DTHD1: variants seen among roughly 807,000 people sequenced by gnomAD.
The protein encoded by DTHD1 is death domain-containing protein 1.
Under a neutral mutation model 74.8 loss-of-function variants are expected in DTHD1, and 59 were observed. That is an observed-to-expected ratio of 0.79 (90% CI 0.64 to 0.98). The LOEUF is 0.98. Among genes scored for constraint, DTHD1 ranks in the 50% least tolerant of loss-of-function variants. The pLI is 0.00. For missense variants in DTHD1, 1,051 were observed against 1,065.4 expected (o/e 0.99, Z 0.19); for synonymous variants, 365 against 371.1 (o/e 0.98, Z 0.19).
intron 7 of DTHD1, chr4:36,315,877 T>G (rs927836308): frequency 6.4e-6 from 1 of 156,674 alleles, no homozygotes; most frequent in African/African-American, 2.4e-5. Context: ...TTAATCGTAT[T>G]TTTAAAATAA....
intron 2 of DTHD1, among the ~76,000 whole-genome samples, chr4:36,286,476 A>G (rs1755718338): frequency 6.6e-6 from 1 of 152,176 alleles, no homozygotes; most frequent in Admixed American, 6.5e-5. Flanking sequence ...ACAAAACCTC[A>G]CTCAGAATGT....
At chr4:36,305,324 C>A (rs1176239767) in intron 5 of DTHD1, among the ~76,000 whole-genome samples, 2 of 152,086 alleles carry the variant, frequency 1.3e-5, no homozygotes, top group African/African-American at 4.8e-5. Context: ...TTCCATGTGG[C>A]TGGGGAGGCC....
At position 36,343,576 on chromosome 4, in the gene DTHD1, A is replaced by C; in HGVS notation, c.2473A>C (p.Thr825Pro). 6.4e-7 allele frequency: 1 copy of C among 1,551,118 alleles called. No individual in the cohort carries two copies. The highest frequency in any genetic ancestry group is 1.2e-5 in the South Asian group (1 of 84,012). The change falls in exon 10 of 10, where the codon ACT becomes CCT. Residue 825 changes from threonine to proline, a missense_variant. Transcript: ENST00000639862. ...SEENAESLSS[T>P]LPLRRSTIQL... ...AGAAAATGCTGAGTCTCTTTCCTCA[A>C]CTCTCCCTCTGCGCCGTAGCACCAT...
chr4:36,343,894 C>A lies in DTHD1; in HGVS notation c.*70C>A. The A allele has an allele frequency of 7.3e-7, 1 of 1,373,862 alleles. No individual in the cohort carries two copies. The highest frequency in any genetic ancestry group is 9.7e-7 in the Non-Finnish European group (1 of 1,034,978). The allele number at this position is 1,373,862 out of a possible 1,614,324, so 85.1% of individuals were successfully genotyped here. ...GGGTTTTTGTTTCTGTCAACATTTT[C>A]CTGGAAGTTTCCGAATGATATTATT... On this transcript the variant is annotated 3_prime_UTR_variant, in exon 10 of 10. Transcript: ENST00000639862.
chr4:36,291,255 C>T (rs997260390), intron 3 of DTHD1, among the ~76,000 whole-genome samples: 5 of 152,110 alleles, frequency 3.3e-5, no homozygotes, highest in African/African-American at 4.8e-5. Context: ...GTTTGAAATA[C>T]GGTTTTTACA....
chr4:36,293,619 C>T lies in DTHD1; in HGVS notation c.1312C>T (p.Leu438Phe), dbSNP rs1281549097. 3.9e-6 allele frequency: 6 copies of T among 1,549,314 alleles called. No individual in the cohort carries two copies. The highest frequency in any genetic ancestry group is 2.0e-5 in the Admixed American group (1 of 50,930). Reference protein sequence around the residue: ...KESFTVTKKGLALKSSMDSRI... With the variant: ...KESFTVTKKGFALKSSMDSRI... ...GTCGTTCACAGTAACAAAGAAAGGC[C>T]TCGCTCTTAAGTCAAGCATGGATTC... Residue 438 changes from leucine to phenylalanine, a missense_variant, in exon 4 of 10, where the codon CTC becomes TTC. Coordinates refer to ENST00000639862, the MANE Select transcript of DTHD1 (RefSeq NM_001170700.3).
chr4:36,289,601 T>C (rs565709007), intron 2 of DTHD1, among the ~76,000 whole-genome samples: 6 of 152,236 alleles, frequency 3.9e-5, no homozygotes, highest in South Asian at 4.1e-4. Context: ...GAGAATAGTG[T>C]GTAACCTAAA....
Position 36,284,350 on chromosome 4 carries a change from G to A in DTHD1, c.646G>A (p.Ala216Thr). Reference protein sequence around the residue: ...ESQNKMFPDNAENEDDKQIEH... With the variant: ...ESQNKMFPDNTENEDDKQIEH... The stretch of plus-strand genomic sequence containing the variant: ...ACAGAATAAAATGTTCCCAGATAAT[G>A]CAGAAAATGAAGATGATAAACAAAT... The change falls in exon 2 of 10, where the codon GCA (alanine) becomes ACA (threonine). Residue 216 changes from alanine (A) to threonine (T), a missense_variant. By Grantham distance (58) the Ala-to-Thr change is moderately conservative. Coordinates refer to ENST00000639862, the MANE Select transcript of DTHD1 (RefSeq NM_001170700.3). 2 of 1,537,168 alleles carry A rather than the reference G, an allele frequency of 1.3e-6. No homozygotes were observed. Among genetic ancestry groups the A allele is most frequent in the Non-Finnish European group, 1.7e-6 (2 of 1,146,846 alleles).
intron 8 of DTHD1, among the ~76,000 whole-genome samples, chr4:36,323,908 G>C (rs1313957468): frequency 6.6e-6 from 1 of 152,120 alleles, no homozygotes; most frequent in Non-Finnish European, 1.5e-5. Context: ...GGAGAAGGGA[G>C]AACTCTGGCA....
In DTHD1 at chr4:36,284,446, A is replaced by G; in HGVS notation, c.742A>G (p.Thr248Ala). Residue 248 changes from threonine to alanine, a missense_variant, in exon 2 of 10, where the codon ACA becomes GCA. Thr to Ala is a moderately conservative substitution (Grantham distance 58). Transcript: ENST00000639862. Reference sequence around the variant, plus strand: ...TCATGGCATAATTCAGACAACAGAGACAGAAATTCAAGAGACTTCAGAAAG... The same window carrying G: ...TCATGGCATAATTCAGACAACAGAGGCAGAAATTCAAGAGACTTCAGAAAG... ...ETHGIIQTTE[T>A]EIQETSESPR... 1 of 1,537,182 alleles carries G rather than the reference A, an allele frequency of 6.5e-7. No individual in the cohort carries two copies.
chr4:36,285,124 T>C (rs1254413042), intron 2 of DTHD1, among the ~76,000 whole-genome samples: 1 of 152,216 alleles, frequency 6.6e-6, no homozygotes, highest in East Asian at 1.9e-4. Flanking sequence ...ATTATTAATA[T>C]TGTTTATTTC....
At position 36,301,410 on chromosome 4, in the gene DTHD1, A is replaced by G. The variant is rs533404228; in HGVS notation, c.1644-4781A>G. 2.0e-5 allele frequency among the ~76,000 whole-genome samples: 3 copies of G among 152,346 alleles called. No individual in the cohort carries two copies. In the South Asian group the frequency reaches 6.2e-4, roughly 32 times the overall value. ...TTGGGAGTAGCTCATATCTTAGGAT[A>G]TAAAACTCCAGAGTTGTCGACAGCC... On this transcript the variant is annotated intron_variant, in intron 5 of 9. Coordinates refer to ENST00000639862, the MANE Select transcript of DTHD1 (RefSeq NM_001170700.3).
chr4:36,288,536 T>C (rs1003902336), intron 2 of DTHD1, among the ~76,000 whole-genome samples: 1 of 152,230 alleles, frequency 6.6e-6, no homozygotes, highest in African/African-American at 2.4e-5. Context: ...GCTTGCCAAT[T>C]ATCCCAGCAC....
chr4:36,281,688 C>T lies in DTHD1; in HGVS notation c.-71C>T, dbSNP rs1237234832. 2.4e-6 allele frequency: 3 copies of T among 1,234,324 alleles called. No homozygotes were observed. The highest frequency in any genetic ancestry group is 3.0e-6 in the Non-Finnish European group (3 of 988,800). The allele number at this position is 1,234,324 out of a possible 1,614,324, so 76.5% of individuals were successfully genotyped here. On this transcript the variant is annotated 5_prime_UTR_variant, in exon 1 of 10. Transcript: ENST00000639862. The stretch of plus-strand genomic sequence containing the variant: ...CCTAGAGTTTAGGAGAAATAACAAT[C>T]ACAAAGTTTGAATTTGCAAAACCTT...
chr4:36,294,539 A>G (rs1756272313), intron 4 of DTHD1, among the ~76,000 whole-genome samples: 2 of 152,018 alleles, frequency 1.3e-5, no homozygotes, highest in Admixed American at 1.3e-4. Context: ...CCTGCAATTA[A>G]GTCTGTTTCT....
intron 8 of DTHD1, among the ~76,000 whole-genome samples, chr4:36,331,740 T>G (rs1758685365): frequency 1.3e-5 from 2 of 152,226 alleles, no homozygotes; most frequent in Admixed American, 6.5e-5. Flanking sequence ...TGTCATTTTC[T>G]GTCATTGACT....
chr4:36,312,882 A>C (rs1423135240), intron 7 of DTHD1, among the ~76,000 whole-genome samples: 1 of 152,214 alleles, frequency 6.6e-6, no homozygotes, highest in African/African-American at 2.4e-5. Context: ...GTTAGATTAT[A>C]ACTGCGTTGA....
At position 36,343,584 on chromosome 4, in the gene DTHD1, T is replaced by C. The variant is rs1451990692; in HGVS notation, c.2481T>C (p.Pro827=). The C allele has an allele frequency of 2.6e-6, 4 of 1,551,712 alleles. No individual in the cohort carries two copies. Among genetic ancestry groups the C allele is most frequent in the Non-Finnish European group, 3.5e-6 (4 of 1,146,954 alleles). ...CTGAGTCTCTTTCCTCAACTCTCCC[T>C]CTGCGCCGTAGCACCATTCAGCTCA... is the stretch of plus-strand genomic sequence containing the variant. The part of the protein sequence containing the change: ...ENAESLSSTL[P]LRRSTIQLIK... The change falls in exon 10 of 10, where the codon CCT becomes CCC. Residue 827 remains proline (P), a synonymous_variant. Transcript: ENST00000639862.
chr4:36,323,125 C>T (rs1758136152), intron 8 of DTHD1, among the ~76,000 whole-genome samples: 1 of 152,190 alleles, frequency 6.6e-6, no homozygotes, highest in Admixed American at 6.5e-5. Context: ...CACACATTTA[C>T]GTAAGCCATC....
Sources: allele counts gnomAD v4.1 joint callset (sites outside exome capture counted in the v4.1 genomes callset), GRCh38; gene constraint gnomAD v4.1.1; transcripts MANE v1.5; gene names NCBI Gene and HGNC (gene_info 2026-07-23, HGNC 2026-07-21).